Variants in SPMAP2L observed in about 807,000 individuals in gnomAD.
SPMAP2L encodes sperm microtubule associated protein 2 like.
chr4:56,543,305 G>A, the SPMAP2L span, among the ~76,000 whole-genome samples: 4 of 152,038 alleles, frequency 2.6e-5, no homozygotes, highest in Non-Finnish European at 4.4e-5. Flanking sequence ...GGATGGTCTC[G>A]ACCTCCTGCC....
the SPMAP2L span, among the ~76,000 whole-genome samples, chr4:56,535,677 G>A: frequency 1.3e-5 from 2 of 152,184 alleles, no homozygotes; most frequent in South Asian, 2.1e-4. Flanking sequence ...TCTGTGCCTC[G>A]TCCTGCTACA....
At chr4:56,621,659 G>C in the SPMAP2L span, among the ~76,000 whole-genome samples, 10 of 152,214 alleles carry the variant, frequency 6.6e-5, no homozygotes, top group African/African-American at 2.4e-4. Context: ...AGTTATTATA[G>C]CTATGGAAAA....
At chr4:56,535,653 T>C in the SPMAP2L span, among the ~76,000 whole-genome samples, 2 of 152,178 alleles carry the variant, frequency 1.3e-5, no homozygotes, top group Non-Finnish European at 2.9e-5. Flanking sequence ...TAACTCGGTG[T>C]CTGAGGGGTT....
the SPMAP2L span, among the ~76,000 whole-genome samples, chr4:56,540,505 T>C: frequency 6.6e-6 from 1 of 152,038 alleles, no homozygotes; most frequent in African/African-American, 2.4e-5. Flanking sequence ...ATCGCACCAC[T>C]GCACTGCAGC....
chr4:56,602,117 CAA>C, the SPMAP2L span, among the ~76,000 whole-genome samples: 2 of 152,056 alleles, frequency 1.3e-5, no homozygotes, highest in African/African-American at 4.8e-5. Context: ...ATATAATTAA[CAA>C]AGAAAAACAT....
At chr4:56,550,247 T>A in the SPMAP2L span, among the ~76,000 whole-genome samples, 1,764 of 152,290 alleles carry the variant, frequency 0.012, 18 homozygotes, top group Middle Eastern at 0.041. Flanking sequence ...CTCAGCCTCC[T>A]GAAGTGCTGG....
the SPMAP2L span, among the ~76,000 whole-genome samples, chr4:56,549,701 A>C: frequency 2.6e-5 from 4 of 152,180 alleles, no homozygotes; most frequent in African/African-American, 9.6e-5. Context: ...GCATAACACC[A>C]CAAGTGGAAA....
the SPMAP2L span, among the ~76,000 whole-genome samples, chr4:56,545,717 T>C: frequency 6.7e-5 from 4 of 59,366 alleles, no homozygotes; most frequent in African/African-American, 2.9e-4. Flanking sequence ...AGACCCTGTC[T>C]CAAAAAAAAA....
At chr4:56,617,597 G>A in the SPMAP2L span, among the ~76,000 whole-genome samples, 6 of 152,130 alleles carry the variant, frequency 3.9e-5, no homozygotes, top group Admixed American at 6.5e-5. Context: ...TAGGGGTGCC[G>A]TTTACAGCTG....
chr4:56,563,554 C>T, the SPMAP2L span, among the ~76,000 whole-genome samples: 5 of 152,070 alleles, frequency 3.3e-5, no homozygotes, highest in African/African-American at 1.2e-4. Context: ...CTTAAAGTAA[C>T]AAGAGAAGGA....
chr4:56,564,000 G>C, the SPMAP2L span, among the ~76,000 whole-genome samples: 1 of 152,124 alleles, frequency 6.6e-6, no homozygotes, highest in East Asian at 1.9e-4. Flanking sequence ...TTTTTGGTGA[G>C]AAGGTTTTTT....
the SPMAP2L span, among the ~76,000 whole-genome samples, chr4:56,571,517 A>G: frequency 6.6e-6 from 1 of 151,936 alleles, no homozygotes; most frequent in African/African-American, 2.4e-5. Context: ...GGGCTTTGCC[A>G]CGTTGCCCAG....
the SPMAP2L span, among the ~76,000 whole-genome samples, chr4:56,610,943 G>T: frequency 6.6e-6 from 1 of 152,174 alleles, no homozygotes; most frequent in East Asian, 1.9e-4. Flanking sequence ...AATAACAAAT[G>T]TTTGTGTGGA....
the SPMAP2L span, among the ~76,000 whole-genome samples, chr4:56,554,971 C>T: frequency 2.4e-5 from 3 of 127,362 alleles, no homozygotes; most frequent in Non-Finnish European, 4.8e-5. Context: ...TGGAATTTCA[C>T]TCTTGTTGCT....
At chr4:56,535,487 G>A in the SPMAP2L span, among the ~76,000 whole-genome samples, 2 of 152,022 alleles carry the variant, frequency 1.3e-5, no homozygotes, top group African/African-American at 2.4e-5. Context: ...CCCCAGTGAC[G>A]TACCCCCTGC....
chr4:56,573,994 G>A, the SPMAP2L span, among the ~76,000 whole-genome samples: 24 of 152,292 alleles, frequency 1.6e-4, no homozygotes, highest in African/African-American at 5.8e-4. Flanking sequence ...AGGAACAGAG[G>A]TCCTTATAAT....
At chr4:56,603,431 C>G in the SPMAP2L span, 1 of 719,214 alleles carries the variant, frequency 1.4e-6, no homozygotes, top group East Asian at 2.8e-5. Context: ...CCTTGCTTCC[C>G]CTCCCACAAA....
At chr4:56,596,716 A>C in the SPMAP2L span, 1 of 1,295,890 alleles carries the variant, frequency 7.7e-7, no homozygotes, top group East Asian at 3.0e-5. Context: ...GCATAGCCCA[A>C]AGTCACTGGA....
At chr4:56,593,429 T>C in the SPMAP2L span, 1 of 1,483,018 alleles carries the variant, frequency 6.7e-7, no homozygotes, top group Non-Finnish European at 9.4e-7. Flanking sequence ...GGAAAAGATG[T>C]CAGCGGAGTG....
Sources: gnomAD v4.1 joint callset for allele counts (sites outside exome capture counted in the v4.1 genomes callset) on GRCh38, gnomAD v4.1.1 for gene constraint, MANE v1.5 for transcripts, NCBI Gene and HGNC (gene_info 2026-07-23, HGNC 2026-07-21) for gene names.